The following CLOCK variants were observed in gnomAD, a reference collection of about 807,000 sequenced individuals.
CLOCK encodes circadian locomoter output cycles protein kaput.
Under a neutral mutation model 118.4 loss-of-function variants are expected in CLOCK, and 43 were observed. The ratio of observed to expected loss-of-function variants is 0.36; its 90% confidence interval spans 0.28 to 0.47. The LOEUF is 0.47. CLOCK is among the 20% of genes least tolerant of loss of function. The pLI, the probability that CLOCK is intolerant of heterozygous loss-of-function variation, is 1.00. For synonymous variants in CLOCK, 326 were observed against 339.2 expected (o/e 0.96, Z 0.43); for missense variants, 846 against 999.9 (o/e 0.85, Z 2.08).
intron 9 of CLOCK, among the ~76,000 whole-genome samples, chr4:55,460,238 C>T (rs1042111928): frequency 2.6e-5 from 4 of 152,192 alleles, no homozygotes; most frequent in Non-Finnish European, 5.9e-5. Context: ...TCCCACCTTA[C>T]TGACTATTCC....
At chr4:55,535,047 G>A (rs1352530338) in intron 1 of CLOCK, among the ~76,000 whole-genome samples, 1 of 150,886 alleles carries the variant, frequency 6.6e-6, no homozygotes, top group Non-Finnish European at 1.5e-5. Context: ...TCCCATCTCA[G>A]CCTCCTGAGT....
In CLOCK at chr4:55,459,007, GATACTAAAACA is replaced by G. The variant is rs774052125; in HGVS notation, c.674-8_676del. On this transcript the variant is annotated splice_acceptor_variant and splice_polypyrimidine_tract_variant and coding_sequence_variant and intron_variant, in exon 11 of 23. Transcript: ENST00000513440. LOFTEE classifies it high-confidence loss of function. ...TTCAAAACCATTGTGTGCTGAAGAGGATACTAAAACAATAGGGAAATATGTATCATCAGTTA... is the reference window on the plus strand; with the variant it reads ...TTCAAAACCATTGTGTGCTGAAGAGGATAGGGAAATATGTATCATCAGTTA... The G allele has an allele frequency of 1.2e-6, 2 of 1,607,878 alleles. No homozygotes were observed. The highest frequency in any genetic ancestry group is 2.2e-5 in the South Asian group (2 of 90,950).
intron 16 of CLOCK, 103 bp downstream of exon 16, chr4:55,449,988 C>G: frequency 7.2e-7 from 1 of 1,383,094 alleles, no homozygotes; most frequent in South Asian, 1.2e-5. Flanking sequence ...AATGTAAAAA[C>G]TTATAATTTT....
chr4:55,506,436 T>C (rs573737156), intron 2 of CLOCK, among the ~76,000 whole-genome samples: 4 of 152,186 alleles, frequency 2.6e-5, no homozygotes, highest in South Asian at 2.1e-4. Flanking sequence ...AAAAACCATA[T>C]AGGGAAGTTC....
chr4:55,438,266 C>T lies in CLOCK; in HGVS notation c.2361+16G>A. ...AGTAAATGAGTTTGAAGCAGCTTCC[C>T]CATGGGGAGAATTACCTGTAAAAAT... On this transcript the variant is annotated intron_variant, in intron 22 of 22. Coordinates refer to ENST00000513440, the MANE Select transcript of CLOCK (RefSeq NM_004898.4). 6.2e-7 allele frequency: 1 copy of T among 1,613,930 alleles called. No individual in the cohort carries two copies. The highest frequency in any genetic ancestry group is 8.5e-7 in the Non-Finnish European group (1 of 1,179,928).
chr4:55,442,170 C>T (rs750098292), intron 21 of CLOCK: 22 of 443,120 alleles, frequency 5.0e-5, no homozygotes, highest in Non-Finnish European at 8.2e-5. Context: ...TAAACCTTTT[C>T]TAACAGTGTG....
chr4:55,544,610 A>C (rs887323619), intron 1 of CLOCK, among the ~76,000 whole-genome samples: 1 of 152,240 alleles, frequency 6.6e-6, no homozygotes, highest in African/African-American at 2.4e-5. Flanking sequence ...AAAATATGAA[A>C]AGCAATCATA....
intron 2 of CLOCK, among the ~76,000 whole-genome samples, chr4:55,508,018 T>G (rs915931403): frequency 6.6e-6 from 1 of 152,148 alleles, no homozygotes; most frequent in Non-Finnish European, 1.5e-5. Context: ...GTCACATAAC[T>G]AAGTGTTCTC....
chr4:55,471,300 G>A (rs914244943), intron 7 of CLOCK, among the ~76,000 whole-genome samples: 1 of 152,128 alleles, frequency 6.6e-6, no homozygotes, highest in Non-Finnish European at 1.5e-5. Flanking sequence ...AAATTAGGCT[G>A]AGTTCATATC....
intron 2 of CLOCK, among the ~76,000 whole-genome samples, chr4:55,500,603 G>T (rs1179778705): frequency 6.6e-6 from 1 of 151,458 alleles, no homozygotes; most frequent in African/African-American, 2.4e-5. Flanking sequence ...CTCCTGCCGT[G>T]ACCTCCCAAA....
intron 13 of CLOCK, 43 bp downstream of exon 13, chr4:55,455,854 T>G: frequency 1.5e-6 from 2 of 1,301,346 alleles, no homozygotes; most frequent in Non-Finnish European, 2.2e-6. Flanking sequence ...GACTTCTGCT[T>G]ATAAAACAGT....
At chr4:55,442,980 C>T (rs1415054395) in intron 20 of CLOCK, among the ~76,000 whole-genome samples, 1 of 152,090 alleles carries the variant, frequency 6.6e-6, no homozygotes, top group Non-Finnish European at 1.5e-5. Context: ...TTTACAGTCA[C>T]AGATCTACAG....
chr4:55,493,880 C>A (rs944329137), intron 2 of CLOCK, among the ~76,000 whole-genome samples: 2 of 152,172 alleles, frequency 1.3e-5, no homozygotes, highest in African/African-American at 2.4e-5. Context: ...TCAACTGACA[C>A]TATAACTCTA....
intron 1 of CLOCK, among the ~76,000 whole-genome samples, chr4:55,532,754 G>A (rs373065744): frequency 2.6e-5 from 4 of 151,986 alleles, no homozygotes; most frequent in African/African-American, 9.7e-5. Flanking sequence ...GGCTGAGGTA[G>A]GAGGATCATT....
chr4:55,462,487 C>T (rs1725414739), intron 9 of CLOCK, among the ~76,000 whole-genome samples: 1 of 152,136 alleles, frequency 6.6e-6, no homozygotes, highest in Non-Finnish European at 1.5e-5. Flanking sequence ...CCATGTTGGC[C>T]AGGCTGGTCT....
In CLOCK at chr4:55,433,846, ATGT is replaced by A. The variant is rs1396573243; in HGVS notation, c.*1566_*1568del. 6.6e-6 allele frequency: 1 copy of A among 152,200 alleles called. No homozygotes were observed. Among genetic ancestry groups the A allele is most frequent in the Non-Finnish European group, 1.5e-5 (1 of 68,022 alleles). 9.4% of individuals were successfully genotyped at this position (152,200 alleles called of 1,614,324 possible). On this transcript the variant is annotated 3_prime_UTR_variant, in exon 23 of 23. Transcript: ENST00000513440. Reference sequence around the variant, plus strand: ...AAGGCATGTGAGTTACAATATTCTAATGTTGTAGTGAAGGCATAGCCAAATCCC... The same window carrying A: ...AAGGCATGTGAGTTACAATATTCTAATGTAGTGAAGGCATAGCCAAATCCC...
intron 1 of CLOCK, among the ~76,000 whole-genome samples, chr4:55,544,193 CA>C (rs1489643906): frequency 6.3e-4 from 95 of 151,770 alleles, no homozygotes; most frequent in African/African-American, 1.8e-3. Context: ...CACACACACA[CA>C]CACACCCCAA....
intron 2 of CLOCK, among the ~76,000 whole-genome samples, chr4:55,496,849 A>G (rs1051022089): frequency 6.6e-6 from 1 of 152,200 alleles, no homozygotes; most frequent in Non-Finnish European, 1.5e-5. Flanking sequence ...CGTAAAACAA[A>G]GGTTTGTCCA....
Position 55,444,519 on chromosome 4 carries a change from C to A in CLOCK, c.1692+114G>T. On this transcript the variant is annotated intron_variant, in intron 19 of 22. Transcript: ENST00000513440. ...AGGTAACCAGTGAATATTTATTGAA[C>A]TGAATTGATAAAACGTATCTCTTGC... 2.4e-6 allele frequency: 3 copies of A among 1,256,028 alleles called. No individual in the cohort carries two copies. In the South Asian group the frequency reaches 3.6e-5, roughly 15 times the overall value. 77.8% of individuals were successfully genotyped at this position (1,256,028 alleles called of 1,614,324 possible). A position where few individuals can be genotyped will look rare whatever the true frequency, so the allele number is the denominator to read the frequency against.
Sources: gnomAD v4.1 joint callset for allele counts (sites outside exome capture counted in the v4.1 genomes callset) on GRCh38, gnomAD v4.1.1 for gene constraint, MANE v1.5 for transcripts, NCBI Gene and HGNC (gene_info 2026-07-23, HGNC 2026-07-21) for gene names.